The following MIB1 variants were observed in gnomAD, a reference collection of about 807,000 sequenced individuals.
The protein encoded by MIB1 is E3 ubiquitin-protein ligase MIB1.
In MIB1, 278 loss-of-function variants were observed where a neutral mutation model predicts 124.5. The ratio of observed to expected loss-of-function variants is 2.23; its 90% CI spans 2.02 to 2.47. The LOEUF is 2.47. Ranked by LOEUF, MIB1 falls within the 30% of genes most tolerant of loss-of-function variation. MIB1 has a pLI of 0.00. For synonymous variants in MIB1, 446 were observed against 429.4 expected, an observed-to-expected ratio of 1.04 and a Z score of -0.48; for missense variants, 957 against 1,254.4, an observed-to-expected ratio of 0.76 and a Z score of 3.58.
chr18:21,741,324 C>G lies in MIB1; in HGVS notation c.-260C>G, dbSNP rs956721546. 5.3e-5 allele frequency: 9 copies of G among 171,266 alleles called. No individual in the cohort carries two copies. Among genetic ancestry groups the G allele is most frequent in the Admixed American group, 5.1e-4 (8 of 15,800 alleles). The allele number at this position is 171,266 out of a possible 1,614,324, so 10.6% of individuals were successfully genotyped here. ...CGCCCACGGCCCCCTCCCCTCTGCC[C>G]GCTCTCCGCCGCCGCCTCCGAGCAG... On this transcript the variant is annotated 5_prime_UTR_variant, in exon 1 of 21. Transcript: ENST00000261537. The surrounding 1 kb of genome is among the most constrained non-coding windows in gnomAD (Gnocchi z 5.4).
At chr18:21,742,005 C>T (rs934373650) in intron 1 of MIB1, among the ~76,000 whole-genome samples, 193 bp downstream of exon 1, 1 of 152,182 alleles carries the variant, frequency 6.6e-6, no homozygotes, top group African/African-American at 2.4e-5. Flanking sequence ...CAGAAAAGAC[C>T]CTCTACCCCC....
In MIB1 at chr18:21,765,873, G is replaced by A; in HGVS notation, c.331G>A (p.Val111Met). Reference sequence around the variant, plus strand: ...GTGTACAAATTATGATTTGTGCACAGTGTGTTATCATGGAGATAAACATCA... The same window carrying A: ...GTGTACAAATTATGATTTGTGCACAATGTGTTATCATGGAGATAAACATCA... ...AECTNYDLCT[V>M]CYHGDKHHLR... Residue 111 changes from valine to methionine, a missense_variant, in exon 2 of 21, where the codon GTG (valine) becomes ATG (methionine). By Grantham distance (21) the Val-to-Met change is conservative. Coordinates refer to ENST00000261537, the MANE Select transcript of MIB1 (RefSeq NM_020774.4). 6.2e-7 allele frequency: 1 copy of A among 1,614,142 alleles called. No homozygotes were observed. The highest frequency in any genetic ancestry group is 1.3e-5 in the African/African-American group (1 of 75,074).
intron 1 of MIB1, among the ~76,000 whole-genome samples, chr18:21,732,311 G>C (rs951510711): frequency 1.3e-5 from 2 of 150,820 alleles, no homozygotes; most frequent in African/African-American, 4.9e-5. Flanking sequence ...CTGGGCAACA[G>C]CGTAAGCCTC....
intron 8 of MIB1, among the ~76,000 whole-genome samples, chr18:21,799,312 G>A (rs540320884): frequency 1.8e-4 from 28 of 152,106 alleles, no homozygotes; most frequent in African/African-American, 6.5e-4. Flanking sequence ...CAATCATTTG[G>A]CACTTACTGA....
chr18:21,765,924 AC>A lies in MIB1; in HGVS notation c.383del (p.Thr128IlefsTer10). ...TTTAAGACATCGCTTTTACCGAATT[AC>A]TACACCGGGAAGTGAGAGGTAGGGA... The part of the protein sequence containing the change: ...HHLRHRFYRI[T>X]TPGSERVLLE... On this transcript the variant is annotated frameshift_variant, in exon 2 of 21. Transcript: ENST00000261537. LOFTEE classifies it high-confidence loss of function. The A allele has an allele frequency of 6.2e-7, 1 of 1,614,074 alleles. No homozygotes were observed. Among genetic ancestry groups the A allele is most frequent in the Non-Finnish European group, 8.5e-7 (1 of 1,179,954 alleles).
intron 18 of MIB1, among the ~76,000 whole-genome samples, chr18:21,854,278 T>C (rs1365145217): frequency 6.6e-6 from 1 of 152,324 alleles, no homozygotes; most frequent in East Asian, 1.9e-4. Context: ...ATTTTTGGCT[T>C]TGTAGGCCAC....
intron 7 of MIB1, 26 bp downstream of exon 7, chr18:21,791,583 G>A: frequency 3.2e-6 from 5 of 1,555,464 alleles, no homozygotes; most frequent in Non-Finnish European, 4.4e-6. Context: ...ATAATTCTGG[G>A]CTAGAAATTA....
At chr18:21,750,584 C>T (rs1276535397) in intron 1 of MIB1, among the ~76,000 whole-genome samples, 1 of 152,154 alleles carries the variant, frequency 6.6e-6, no homozygotes, top group Non-Finnish European at 1.5e-5. Flanking sequence ...GCCTCGGCCT[C>T]CCAAAGTGCT....
intron 3 of MIB1, 28 bp downstream of exon 3, chr18:21,768,780 T>G: frequency 6.3e-7 from 1 of 1,580,468 alleles, no homozygotes; most frequent in Non-Finnish European, 8.6e-7. Context: ...ATTCATTATG[T>G]ATTCTAGAGT....
chr18:21,721,219 T>G (rs184590244), intron 1 of MIB1, among the ~76,000 whole-genome samples: 1 of 139,182 alleles, frequency 7.2e-6, no homozygotes, highest in East Asian at 2.2e-4. Flanking sequence ...CTCCTTCTGT[T>G]GCCCAGGCTG....
At chr18:21,843,238 T>C in intron 14 of MIB1, 21 bp downstream of exon 14, 1 of 1,515,740 alleles carries the variant, frequency 6.6e-7, no homozygotes, top group South Asian at 1.3e-5. Context: ...GACATACATT[T>C]TAGCTTATAA....
chr18:21,859,369 G>T (rs1034903518), intron 20 of MIB1, among the ~76,000 whole-genome samples: 2 of 150,520 alleles, frequency 1.3e-5, no homozygotes, highest in African/African-American at 4.9e-5. Flanking sequence ...CTCCAGCCTG[G>T]GTGACAGAGT....
chr18:21,763,296 A>G (rs1457827498), intron 1 of MIB1, among the ~76,000 whole-genome samples: 1 of 152,154 alleles, frequency 6.6e-6, no homozygotes, highest in Non-Finnish European at 1.5e-5. Context: ...GTTTTACCAT[A>G]TTGTATACAG....
intron 1 of MIB1, among the ~76,000 whole-genome samples, chr18:21,745,704 A>G (rs2040904027): frequency 6.6e-6 from 1 of 151,788 alleles, no homozygotes; most frequent in Non-Finnish European, 1.5e-5. Context: ...ACACACACAC[A>G]CACACAAAAT....
chr18:21,781,830 A>G (rs2041372122), intron 6 of MIB1, among the ~76,000 whole-genome samples: 1 of 151,872 alleles, frequency 6.6e-6, no homozygotes, highest in Admixed American at 6.6e-5. Flanking sequence ...TTCTGTCATG[A>G]TCCTTTACAT....
At chr18:21,846,908 C>T (rs549411306) in intron 15 of MIB1, 36 bp from the exon 16 acceptor site, 10 of 1,597,350 alleles carry the variant, frequency 6.3e-6, no homozygotes, top group Non-Finnish European at 8.6e-6. Context: ...TGGCAGATTC[C>T]TAGAGGGAAA....
At chr18:21,773,752 G>T in intron 4 of MIB1, 24 bp downstream of exon 4, 1 of 1,474,506 alleles carries the variant, frequency 6.8e-7, no homozygotes, top group Non-Finnish European at 9.2e-7. Context: ...AGCCATAGCA[G>T]GTGAAAGAAA....
chr18:21,850,271 A>T (rs2146512295), intron 17 of MIB1, among the ~76,000 whole-genome samples: 1 of 152,256 alleles, frequency 6.6e-6, no homozygotes, highest in South Asian at 2.1e-4. Flanking sequence ...TGAGTTTCTT[A>T]CAAATGTTTC....
chr18:21,815,744 TGCTGTCAATAAAG>T lies in MIB1; in HGVS notation c.1610_1622del (p.Ala537ValfsTer6). On this transcript the variant is annotated frameshift_variant, in exon 11 of 21. Coordinates refer to ENST00000261537, the MANE Select transcript of MIB1 (RefSeq NM_020774.4). LOFTEE classifies it high-confidence loss of function. ...AGCGCCGACAGACACCACTTCATAT[TGCTGTCAATAAAG>T]GTCATCTTCAAGTTGTGAAGACTTT... 6.2e-7 allele frequency: 1 copy of T among 1,614,174 alleles called. No individual in the cohort carries two copies. Among genetic ancestry groups the T allele is most frequent in the South Asian group, 1.1e-5 (1 of 91,082 alleles).
Sources: gnomAD v4.1 joint callset for allele counts (sites outside exome capture counted in the v4.1 genomes callset) on GRCh38, gnomAD v4.1.1 for gene constraint, Gnocchi (gnomAD v3.1) non-coding constraint, MANE v1.5 for transcripts, NCBI Gene and HGNC (gene_info 2026-07-23, HGNC 2026-07-21) for gene names.